The following TMEM52B variants were observed in gnomAD, a reference collection of about 807,000 sequenced individuals.
TMEM52B encodes transmembrane protein 52B.
A neutral mutation model predicts 16.1 loss-of-function variants in TMEM52B; 11 were observed. That is an observed-to-expected ratio of 0.68 (90% CI 0.43 to 1.13). The LOEUF is 1.13. TMEM52B is among the 50% of genes most tolerant of loss of function. The pLI is 0.00. For synonymous variants in TMEM52B, 101 were observed against 93.8 expected (o/e 1.08, Z -0.45); for missense variants, 243 against 230.4 (o/e 1.05, Z -0.35).
intron 1 of TMEM52B, among the ~76,000 whole-genome samples, chr12:10,171,452 T>C (rs890736567): frequency 1.3e-5 from 2 of 152,254 alleles, no homozygotes; most frequent in Admixed American, 1.3e-4. Context: ...ATGTAACTTA[T>C]GCTAAACTAT....
intron 2 of TMEM52B, among the ~76,000 whole-genome samples, chr12:10,184,947 C>G (rs939704877): frequency 6.6e-6 from 1 of 152,036 alleles, no homozygotes; most frequent in Non-Finnish European, 1.5e-5. Flanking sequence ...CTCCTGACCT[C>G]GTGATCTGCC....
upstream of TMEM52B, among the ~76,000 whole-genome samples, chr12:10,177,924 C>T (rs1280787951): frequency 5.9e-5 from 9 of 151,470 alleles, no homozygotes. Flanking sequence ...GAGGCAGATT[C>T]TCGCTCTATC....
intron 2 of TMEM52B, 42 bp from the exon 3 acceptor site, chr12:10,185,288 G>A: frequency 7.3e-7 from 1 of 1,378,006 alleles, no homozygotes; most frequent in Non-Finnish European, 1.0e-6. Context: ...AACAGGGATT[G>A]ACTATATTTT....
intron 1 of TMEM52B, 34 bp from the exon 2 acceptor site, chr12:10,182,516 A>G (rs1591989981): frequency 1.3e-6 from 2 of 1,531,322 alleles, no homozygotes; most frequent in Middle Eastern, 1.7e-4. Flanking sequence ...GGCCAAAACA[A>G]TTTCCCTGTA....
At chr12:10,178,952 G>A (rs1040156702), upstream of TMEM52B, 2 of 152,718 alleles carry the variant, frequency 1.3e-5, no homozygotes, top group African/African-American at 4.8e-5. Context: ...AGAACCAGGA[G>A]AGTTGATTAT....
rs2137528485 is a variant in TMEM52B at position 10,171,712 on chromosome 12, T to C, written c.-95+861T>C. ...CAGTTAGCTCTCTGTAAAAGGGAGA[T>C]AGTAATAGTACCAATCTCAAAATGT... On this transcript the variant is annotated intron_variant, in intron 1 of 5. Coordinates refer to the TMEM52B transcript ENST00000381923. Among the ~76,000 whole-genome samples the C allele has an allele frequency of 2.0e-5, 3 of 152,280 alleles. 1 individual carries two copies. The Middle Eastern group carries it at 0.01, about 518-fold the overall frequency.
chr12:10,175,908 C>A (rs961656930), upstream of TMEM52B, among the ~76,000 whole-genome samples: 8 of 152,170 alleles, frequency 5.3e-5, no homozygotes, highest in Non-Finnish European at 4.4e-5. Context: ...ATCAGTGGAA[C>A]CAGAAGTAAG....
At position 10,191,075 on chromosome 12, in the gene TMEM52B, G is replaced by T. The variant is rs183355675; in HGVS notation, c.*935G>T. 1.8e-4 allele frequency: 28 copies of T among 152,348 alleles called. No individual in the cohort carries two copies. The highest frequency in any genetic ancestry group is 3.5e-4 in the Non-Finnish European group (24 of 68,060). The allele number at this position is 152,348 out of a possible 1,614,324, so 9.4% of individuals were successfully genotyped here. On this transcript the variant is annotated 3_prime_UTR_variant, in exon 5 of 5. Transcript: ENST00000543484. The stretch of plus-strand genomic sequence containing the variant: ...AAAAACTAAATGCTGAACTAAGCCT[G>T]GTTGAGATGCTTCCCATGGACCATG...
Position 10,179,574 on chromosome 12 carries a change from G to T in TMEM52B, c.-1G>T, listed in dbSNP as rs368962696. ...TTCTGAAGAAGCAGGAATTCAGCCC[G>T]ATGGGAGTCCGAGTTCATGTCGTGG... On this transcript the variant is annotated 5_prime_UTR_variant, in exon 1 of 5. Coordinates refer to ENST00000543484, the MANE Select transcript of TMEM52B (RefSeq NM_001384896.1). 10 of 1,614,182 alleles carry T rather than the reference G, an allele frequency of 6.2e-6. No homozygotes were observed. In the African/African-American group the frequency reaches 6.7e-5, roughly 11 times the overall value.
chr12:10,183,006 G>A (rs780272187), intron 2 of TMEM52B, among the ~76,000 whole-genome samples: 3 of 152,056 alleles, frequency 2.0e-5, no homozygotes, highest in African/African-American at 4.8e-5. Flanking sequence ...AGTTTTTAGG[G>A]CATGTTAACA....
chr12:10,189,557 G>A (rs1948930978), intron 4 of TMEM52B, among the ~76,000 whole-genome samples: 1 of 150,108 alleles, frequency 6.7e-6, no homozygotes. Flanking sequence ...CCAGGAGGCG[G>A]AGGTTGCAAT....
chr12:10,179,234 C>T lies in TMEM52B; in HGVS notation c.-341C>T, dbSNP rs920404031. ...GGACACATATGTCCTCTTTGAATGT[C>T]TCCTTTTTGGGAGCAGTAGGAGAAA... is the stretch of plus-strand genomic sequence containing the variant. On this transcript the variant is annotated 5_prime_UTR_variant, in exon 1 of 5. Transcript: ENST00000543484. The T allele has an allele frequency of 3.5e-6, 1 of 282,604 alleles. No homozygotes were observed. Among genetic ancestry groups the T allele is most frequent in the African/African-American group, 2.1e-5 (1 of 46,898 alleles). 17.5% of individuals were successfully genotyped at this position (282,604 alleles called of 1,614,324 possible).
intron 1 of TMEM52B, 138 bp from the exon 2 acceptor site, chr12:10,182,412 C>T: frequency 1.5e-6 from 2 of 1,349,354 alleles, no homozygotes; most frequent in Non-Finnish European, 1.9e-6. Context: ...AAATGGCAGT[C>T]CTAAATAGAC....
At chr12:10,178,382 G>C (rs1205999349), upstream of TMEM52B, among the ~76,000 whole-genome samples, 1 of 151,860 alleles carries the variant, frequency 6.6e-6, no homozygotes, top group South Asian at 2.1e-4. Context: ...ACTTAGCCGG[G>C]CGTGGTGGTG....
intron 1 of TMEM52B, among the ~76,000 whole-genome samples, chr12:10,179,981 C>T (rs959308286): frequency 6.6e-6 from 1 of 152,202 alleles, no homozygotes; most frequent in Non-Finnish European, 1.5e-5. Context: ...TGTAATTCCC[C>T]TAAACGGAAT....
intron 1 of TMEM52B, 93 bp downstream of exon 1, chr12:10,179,721 G>A: frequency 4.0e-6 from 6 of 1,488,182 alleles, no homozygotes; most frequent in Non-Finnish European, 5.6e-6. Flanking sequence ...GCGGGGTGGG[G>A]AGACATATAC....
rs561926011 is a variant in TMEM52B at position 10,187,467 on chromosome 12, GA to G, written c.307+880del. 3.4e-3 allele frequency among the ~76,000 whole-genome samples: 518 copies of G among 151,120 alleles called. 3 individuals are homozygous for G. The highest frequency in any genetic ancestry group is 0.012 in the African/African-American group (502 of 41,184). On this transcript the variant is annotated intron_variant, in intron 4 of 4. Transcript: ENST00000543484. The stretch of plus-strand genomic sequence containing the variant: ...TGCCCAGGCTGGAGTGCAGTGGTGG[GA>G]ATCTCAGCTCACTGCAACCTCCGCC...
In TMEM52B at chr12:10,179,573, C is replaced by T. The variant is rs748290310; in HGVS notation, c.-2C>T. On this transcript the variant is annotated 5_prime_UTR_variant, in exon 1 of 5. Coordinates refer to ENST00000543484, the MANE Select transcript of TMEM52B (RefSeq NM_001384896.1). ...ATTCTGAAGAAGCAGGAATTCAGCC[C>T]GATGGGAGTCCGAGTTCATGTCGTG... is the stretch of plus-strand genomic sequence containing the variant. The T allele has an allele frequency of 2.5e-6, 4 of 1,613,978 alleles. No individual in the cohort carries two copies. The highest frequency in any genetic ancestry group is 1.3e-5 in the African/African-American group (1 of 74,904).
At chr12:10,188,933 C>T (rs1447999053) in intron 4 of TMEM52B, among the ~76,000 whole-genome samples, 2 of 142,356 alleles carry the variant, frequency 1.4e-5, no homozygotes, top group South Asian at 2.2e-4. Context: ...AGGAGAATGG[C>T]GAGAACCCGG....
Sources: allele counts gnomAD v4.1 joint callset (sites outside exome capture counted in the v4.1 genomes callset), GRCh38; gene constraint gnomAD v4.1.1; transcripts MANE v1.5; gene names NCBI Gene and HGNC (gene_info 2026-07-23, HGNC 2026-07-21).